The following ATP7B variants were observed in gnomAD, a reference collection of about 807,000 sequenced individuals.
ATP7B encodes ATPase copper transporting beta.
Under a neutral mutation model 118.9 loss-of-function variants are expected in ATP7B, and 113 were observed. That is an observed-to-expected ratio of 0.95 (90% CI 0.82 to 1.11). The LOEUF (loss-of-function observed/expected upper bound fraction) is 1.11, where lower values mean the gene tolerates loss of function less well. Ranked by LOEUF, ATP7B falls within the 50% of genes most tolerant of loss-of-function variation. The probability of loss-of-function intolerance (pLI) is 0.00; values close to 1 mark genes in which losing one functional copy is unlikely to be tolerated. For missense variants in ATP7B, 1,867 were observed against 1,871.4 expected, an observed-to-expected ratio of 1.00 and a Z score of 0.04; for synonymous variants, 777 against 727.4, an observed-to-expected ratio of 1.07 and a Z score of -1.10.
chr13:51,947,959 C>T (rs1461341136), intron 12 of ATP7B: 1 of 152,252 alleles, frequency 6.6e-6, no homozygotes, highest in African/African-American at 2.4e-5. Context: ...TTGTTTAGGA[C>T]TGAGTCTTCC....
chr13:51,973,668 A>C (rs1157508295), intron 2 of ATP7B, among the ~76,000 whole-genome samples: 1 of 152,240 alleles, frequency 6.6e-6, no homozygotes, highest in Non-Finnish European at 1.5e-5. Context: ...ATCTTTATAA[A>C]TTACCCAAAT....
chr13:51,945,313 A>G (rs902293243), intron 13 of ATP7B, among the ~76,000 whole-genome samples: 31 of 152,048 alleles, frequency 2.0e-4, no homozygotes, highest in African/African-American at 7.2e-4. Context: ...CTCTCTCTCA[A>G]TGATTTTCTT....
At position 51,958,338 on chromosome 13, in the gene ATP7B, C is replaced by T. The variant is rs756580388; in HGVS notation, c.2328G>A (p.Leu776=). The T allele has an allele frequency of 1.9e-6, 3 of 1,614,196 alleles. No individual in the cohort carries two copies. Among genetic ancestry groups the T allele is most frequent in the East Asian group, 4.5e-5 (2 of 44,882 alleles). The change falls in exon 8 of 21, where the codon CTG becomes CTA. Residue 776 remains leucine, a synonymous_variant. Coordinates refer to ENST00000242839, the MANE Select transcript of ATP7B (RefSeq NM_000053.4). ...TTGCCAAGTGTTCCAGCCACCGGCC[C>T]AGGGCAATGAACACAAAGAGCATGG... is the stretch of plus-strand genomic sequence containing the variant. ...TPPMLFVFIA[L]GRWLEHLAKS...
chr13:51,939,822 G>C (rs1051633495), intron 16 of ATP7B, among the ~76,000 whole-genome samples: 2 of 152,110 alleles, frequency 1.3e-5, no homozygotes, highest in Non-Finnish European at 2.9e-5. Context: ...AAAAAAGAGA[G>C]AGAATGTGAG....
rs542230041 is a variant in ATP7B, at chr13:51,935,567, C to A, written c.4124+26G>T. On this transcript the variant is annotated intron_variant, in intron 20 of 20. Coordinates refer to ENST00000242839, the MANE Select transcript of ATP7B (RefSeq NM_000053.4). ...GACAAGGCCTCCTGGGAGCCTCCCACAGATGCTCCACCTGAGGGGACTCAC... is the reference window on the plus strand; with the variant it reads ...GACAAGGCCTCCTGGGAGCCTCCCAAAGATGCTCCACCTGAGGGGACTCAC... 6 of 1,602,356 alleles carry A rather than the reference C, an allele frequency of 3.7e-6. No homozygotes were observed. In the East Asian group the frequency reaches 1.1e-4, roughly 30 times the overall value.
chr13:51,956,986 C>T (rs1210281144), intron 9 of ATP7B, among the ~76,000 whole-genome samples: 1 of 152,020 alleles, frequency 6.6e-6, no homozygotes, highest in African/African-American at 2.4e-5. Context: ...ATAGTCCCTG[C>T]CTCAGAAAGT....
intron 9 of ATP7B, among the ~76,000 whole-genome samples, chr13:51,957,219 T>A (rs1312190327): frequency 6.6e-6 from 1 of 152,216 alleles, no homozygotes; most frequent in Admixed American, 6.5e-5. Flanking sequence ...TAATTCATAC[T>A]CTATGTTCTC....
intron 9 of ATP7B, among the ~76,000 whole-genome samples, chr13:51,951,804 G>T (rs1373322362): frequency 1.3e-5 from 2 of 152,208 alleles, no homozygotes; most frequent in Non-Finnish European, 2.9e-5. Context: ...CGTAGGGTTT[G>T]TGTGTTGCAG....
intron 7 of ATP7B, chr13:51,958,891 T>C (rs1402012142): frequency 2.9e-6 from 1 of 350,656 alleles, no homozygotes; most frequent in Non-Finnish European, 5.4e-6. Context: ...GCTCTATCTA[T>C]AACCCACTGG....
chr13:51,946,366 G>A lies in ATP7B; in HGVS notation c.2978C>T (p.Thr993Met), dbSNP rs200290721. The stretch of plus-strand genomic sequence containing the variant: ...CACCCCGGTGCCCACCATGACAGCC[G>A]TGGGCGTGGCCAGCCCCAGGGAGCA... ...CPCSLGLATP[T>M]AVMVGTGVAA... The change falls in exon 13 of 21, where the codon ACG becomes ATG. Residue 993 changes from threonine (T) to methionine (M), a missense_variant. Physicochemically the swap from Thr to Met is moderately conservative, Grantham distance 81 (BLOSUM62 -1). Coordinates refer to ENST00000242839, the MANE Select transcript of ATP7B (RefSeq NM_000053.4). The A allele has an allele frequency of 9.9e-5, 159 of 1,613,282 alleles. No homozygotes were observed. The highest frequency in any genetic ancestry group is 1.2e-4 in the Non-Finnish European group (142 of 1,179,888).
At chr13:51,966,881 G>A (rs1951577490) in intron 4 of ATP7B, 2 of 1,612,820 alleles carry the variant, frequency 1.2e-6, no homozygotes, top group Non-Finnish European at 1.7e-6. Flanking sequence ...ATCATCACTT[G>A]TGATGGCAGA....
At chr13:51,955,434 C>T (rs972060471) in intron 9 of ATP7B, among the ~76,000 whole-genome samples, 3 of 152,210 alleles carry the variant, frequency 2.0e-5, no homozygotes, top group African/African-American at 7.2e-5. Context: ...CTCTGGTCTT[C>T]TGGCCCCTAG....
At chr13:51,953,423 G>C (rs879287136) in intron 9 of ATP7B, among the ~76,000 whole-genome samples, 3 of 152,198 alleles carry the variant, frequency 2.0e-5, no homozygotes, top group Non-Finnish European at 4.4e-5. Context: ...CTTAAAATTG[G>C]CACGAATGTA....
At chr13:51,966,703 G>A (rs934615810) in intron 4 of ATP7B, 54 of 1,532,636 alleles carry the variant, frequency 3.5e-5, no homozygotes, top group Non-Finnish European at 4.6e-5. Context: ...CCATGCCGAC[G>A]TAGACCCTGC....
intron 1 of ATP7B, chr13:51,975,526 A>T: frequency 1.9e-6 from 1 of 526,548 alleles, no homozygotes; most frequent in African/African-American, 1.9e-5. Context: ...TCACGGTGGG[A>T]AGGCACAGGT....
Position 51,987,314 on chromosome 13 carries a change from G to T in ATP7B, c.52-12146C>A, listed in dbSNP as rs139930333. ...CATGAGTGAACTCCCATTCACAATTGCTACAAAGAGAATAAAATACCCAGG... is the reference window on the plus strand; with the variant it reads ...CATGAGTGAACTCCCATTCACAATTTCTACAAAGAGAATAAAATACCCAGG... On this transcript the variant is annotated intron_variant, in intron 1 of 20. Transcript: ENST00000242839. 3.8e-3 allele frequency among the ~76,000 whole-genome samples: 571 copies of T among 152,264 alleles called. 3 individuals are homozygous for T. Among genetic ancestry groups the T allele is most frequent in the African/African-American group, 0.013 (541 of 41,544 alleles).
rs1593661202 is a variant in ATP7B, at chr13:51,941,245, T to G, written c.3413-21A>C. ...TGCATCTATTCAAAAGAGGCTGTGG[T>G]TATTTCTAAATGGTCCAATTTCACT... On this transcript the variant is annotated intron_variant, in intron 15 of 20. Transcript: ENST00000242839. The G allele has an allele frequency of 1.9e-6, 3 of 1,613,946 alleles. No homozygotes were observed. The highest frequency in any genetic ancestry group is 2.5e-6 in the Non-Finnish European group (3 of 1,179,832).
intron 6 of ATP7B, among the ~76,000 whole-genome samples, chr13:51,960,726 A>T (rs1352589826): frequency 1.3e-4 from 20 of 152,234 alleles, no homozygotes; most frequent in Non-Finnish European, 4.4e-5. Flanking sequence ...AATAGATAAA[A>T]GCAGTATTTT....
Position 51,994,236 on chromosome 13 carries a change from C to T in ATP7B, c.51+17051G>A, listed in dbSNP as rs181600164. On this transcript the variant is annotated intron_variant, in intron 1 of 20. Transcript: ENST00000242839. ...TAAGTGATTTAACACATTAGTTTAG[C>T]TACTGGCTTAATACAGTTTAAAGAG... Among the ~76,000 whole-genome samples, 700 of 152,266 alleles carry T rather than the reference C, an allele frequency of 4.6e-3. 3 individuals carry two copies. Among genetic ancestry groups the T allele is most frequent in the Non-Finnish European group, 5.1e-3 (346 of 68,008 alleles).
Sources: gnomAD v4.1 joint callset for allele counts (sites outside exome capture counted in the v4.1 genomes callset) on GRCh38, gnomAD v4.1.1 for gene constraint, MANE v1.5 for transcripts, NCBI Gene and HGNC (gene_info 2026-07-23, HGNC 2026-07-21) for gene names.